Variants in BLTP3A observed in about 807,000 individuals in gnomAD.
The protein encoded by BLTP3A is ICBP90 binding protein 1.
chr6:34,858,938 G>A, the BLTP3A span: 2 of 1,614,088 alleles, frequency 1.2e-6, no homozygotes, highest in Non-Finnish European at 1.7e-6. Flanking sequence ...TCAATGACTG[G>A]GTCTCCCCTG....
chr6:34,864,522 CTTTTT>C, the BLTP3A span, among the ~76,000 whole-genome samples: 4 of 109,450 alleles, frequency 3.7e-5, no homozygotes, highest in Non-Finnish European at 5.5e-5. Context: ...TGCTTATAGT[CTTTTT>C]TTTTTTTTTT....
At chr6:34,802,667 C>T in the BLTP3A span, among the ~76,000 whole-genome samples, 3 of 152,184 alleles carry the variant, frequency 2.0e-5, no homozygotes, top group South Asian at 6.2e-4. Flanking sequence ...AGCCTGTCTG[C>T]ATTTTTAGTA....
At chr6:34,865,021 T>G in the BLTP3A span, among the ~76,000 whole-genome samples, 2 of 152,218 alleles carry the variant, frequency 1.3e-5, no homozygotes, top group African/African-American at 4.8e-5. Flanking sequence ...CAAATTATAA[T>G]TGTATCTATG....
At chr6:34,806,034 G>T in the BLTP3A span, among the ~76,000 whole-genome samples, 1 of 152,138 alleles carries the variant, frequency 6.6e-6, no homozygotes, top group African/African-American at 2.4e-5. Flanking sequence ...ATTTACAGAT[G>T]ATAGTCTTAA....
chr6:34,826,934 A>G, the BLTP3A span, among the ~76,000 whole-genome samples: 1 of 152,156 alleles, frequency 6.6e-6, no homozygotes, highest in Admixed American at 6.6e-5. Flanking sequence ...TTTAGAGACT[A>G]TTGTCTGCAA....
chr6:34,853,602 C>T, the BLTP3A span, among the ~76,000 whole-genome samples: 1 of 151,960 alleles, frequency 6.6e-6, no homozygotes, highest in African/African-American at 2.4e-5. Context: ...GCTCTGTCAC[C>T]TAGGCTGGAG....
chr6:34,819,430 C>G, the BLTP3A span, among the ~76,000 whole-genome samples: 1 of 151,680 alleles, frequency 6.6e-6, no homozygotes, highest in Middle Eastern at 3.4e-3. Flanking sequence ...GAGAAGGGAA[C>G]TGGGAGTAGT....
At chr6:34,818,058 C>T in the BLTP3A span, among the ~76,000 whole-genome samples, 1 of 152,020 alleles carries the variant, frequency 6.6e-6, no homozygotes, top group African/African-American at 2.4e-5. Context: ...CGGGGTTTCA[C>T]CGTGTTAGCC....
At chr6:34,821,462 T>G in the BLTP3A span, 1 of 564,652 alleles carries the variant, frequency 1.8e-6, no homozygotes. Context: ...CTGAGTGCAG[T>G]GTTTACAACT....
At chr6:34,864,183 A>G in the BLTP3A span, 5 of 1,613,906 alleles carry the variant, frequency 3.1e-6, no homozygotes, top group Non-Finnish European at 4.2e-6. Context: ...TAGCTTTGTG[A>G]TGCTCTTGGA....
the BLTP3A span, among the ~76,000 whole-genome samples, chr6:34,840,970 G>A: frequency 1.8e-4 from 27 of 152,122 alleles, no homozygotes; most frequent in Non-Finnish European, 2.8e-4. Context: ...AATTTCTTGT[G>A]TAATTATATT....
the BLTP3A span, among the ~76,000 whole-genome samples, chr6:34,849,718 T>C: frequency 2.6e-5 from 4 of 152,322 alleles, no homozygotes; most frequent in South Asian, 8.3e-4. Context: ...TTCTTTCAGA[T>C]TGAAAGAACT....
the BLTP3A span, among the ~76,000 whole-genome samples, chr6:34,813,877 C>G: frequency 3.9e-5 from 6 of 152,286 alleles, no homozygotes; most frequent in South Asian, 8.3e-4. Context: ...TTTTCCCTCT[C>G]CAGGTGATGA....
the BLTP3A span, chr6:34,857,078 G>A: frequency 4.3e-5 from 51 of 1,176,786 alleles, no homozygotes; most frequent in Non-Finnish European, 5.6e-5. Context: ...TTCTGAGCAT[G>A]GCTGGTGAGA....
At chr6:34,832,443 T>TTC in the BLTP3A span, among the ~76,000 whole-genome samples, 2 of 150,714 alleles carry the variant, frequency 1.3e-5, no homozygotes, top group Admixed American at 1.3e-4. Context: ...TTCTTTTTCT[T>TTC]TTTTTTTTCT....
At chr6:34,835,555 T>A in the BLTP3A span, 1 of 1,401,818 alleles carries the variant, frequency 7.1e-7, no homozygotes, top group African/African-American at 1.4e-5. Context: ...TAGACTTTAT[T>A]TGGGAAATTT....
the BLTP3A span, among the ~76,000 whole-genome samples, chr6:34,815,092 G>A: frequency 1.8e-3 from 269 of 152,280 alleles, 1 homozygote; most frequent in African/African-American, 6.1e-3. Flanking sequence ...CCTCATGTGG[G>A]ATATTGCAAA....
At chr6:34,857,256 T>C in the BLTP3A span, 1 of 1,562,272 alleles carries the variant, frequency 6.4e-7, no homozygotes, top group Non-Finnish European at 8.7e-7. Context: ...AGAGGCTTTA[T>C]GCTTCCTAAG....
the BLTP3A span, among the ~76,000 whole-genome samples, chr6:34,815,767 C>A: frequency 6.6e-6 from 1 of 152,094 alleles, no homozygotes; most frequent in African/African-American, 2.4e-5. Flanking sequence ...CTCAGCCTCC[C>A]AAGTAGCTGG....
Sources: allele counts gnomAD v4.1 joint callset (sites outside exome capture counted in the v4.1 genomes callset), GRCh38; gene constraint gnomAD v4.1.1; transcripts MANE v1.5; gene names NCBI Gene and HGNC (gene_info 2026-07-23, HGNC 2026-07-21).